IMMP2L: variants seen among roughly 807,000 people sequenced by gnomAD.
IMMP2L encodes the protein inner mitochondrial membrane peptidase subunit 2, also known as mitochondrial inner membrane protease subunit 2.
In IMMP2L, 18 loss-of-function variants were observed where a neutral mutation model predicts 19.3. The ratio of observed to expected loss-of-function variants is 0.93; its 90% CI spans 0.64 to 1.38. The LOEUF is 1.38. Among genes scored for constraint, IMMP2L ranks in the 40% most tolerant of loss-of-function variants. IMMP2L has a pLI of 0.00. For missense variants in IMMP2L, 233 were observed against 218.2 expected (o/e 1.07, Z -0.43); for synonymous variants, 76 against 73.0 (o/e 1.04, Z -0.21).
At chr7:110,971,937 A>G (rs1398829281) in intron 3 of IMMP2L, among the ~76,000 whole-genome samples, 2 of 152,068 alleles carry the variant, frequency 1.3e-5, no homozygotes, top group African/African-American at 2.4e-5. Flanking sequence ...AATCAATGAT[A>G]CTATTGTAAT....
At chr7:111,491,982 T>C (rs1843148720) in intron 2 of IMMP2L, among the ~76,000 whole-genome samples, 1 of 151,432 alleles carries the variant, frequency 6.6e-6, no homozygotes, top group Non-Finnish European at 1.5e-5. Flanking sequence ...CTTTTACTGG[T>C]GTTTTTTTTG....
intron 3 of IMMP2L, among the ~76,000 whole-genome samples, chr7:111,196,011 G>T (rs142099183): frequency 6.6e-6 from 1 of 151,886 alleles, no homozygotes; most frequent in Admixed American, 6.6e-5. Flanking sequence ...TACCACAGGT[G>T]GGGTATGCCA....
chr7:110,938,977 T>C (rs1161709014), intron 4 of IMMP2L, among the ~76,000 whole-genome samples: 1 of 152,128 alleles, frequency 6.6e-6, no homozygotes, highest in Non-Finnish European at 1.5e-5. Context: ...CCACTTCACA[T>C]ATGAACATAC....
At chr7:111,150,159 T>G (rs1236058323) in intron 3 of IMMP2L, among the ~76,000 whole-genome samples, 2 of 152,192 alleles carry the variant, frequency 1.3e-5, no homozygotes, top group African/African-American at 2.4e-5. Flanking sequence ...TTTGTAGGTT[T>G]GACAATGTAT....
chr7:111,297,450 CTTAT>C (rs1821753625), intron 3 of IMMP2L, among the ~76,000 whole-genome samples: 1 of 152,098 alleles, frequency 6.6e-6, no homozygotes, highest in Admixed American at 6.6e-5. Flanking sequence ...AACTCAAACT[CTTAT>C]TTGTTACTGG....
chr7:111,304,581 T>C lies in IMMP2L; in HGVS notation c.239+182657A>G, dbSNP rs146450611. Among the ~76,000 whole-genome samples the C allele has an allele frequency of 2.6e-3, 388 of 151,862 alleles. 2 individuals are homozygous for C. The highest frequency in any genetic ancestry group is 8.9e-3 in the African/African-American group (368 of 41,420). On this transcript the variant is annotated intron_variant, in intron 3 of 5. Coordinates refer to ENST00000405709, the MANE Select transcript of IMMP2L (RefSeq NM_032549.4). The stretch of plus-strand genomic sequence containing the variant: ...TGTGTACATATGTATAGTGTGTATA[T>C]AAAACACATATATGGGTGTATATAC...
chr7:111,335,299 A>G (rs1826286818), intron 3 of IMMP2L, among the ~76,000 whole-genome samples: 1 of 152,104 alleles, frequency 6.6e-6, no homozygotes, highest in Non-Finnish European at 1.5e-5. Context: ...ATGACTACCA[A>G]ATATCTCTCT....
intron 5 of IMMP2L, among the ~76,000 whole-genome samples, chr7:110,683,666 A>G (rs998544677): frequency 6.6e-6 from 1 of 152,122 alleles, no homozygotes; most frequent in Admixed American, 6.6e-5. Context: ...TTGAATGACT[A>G]AAAAGTAATG....
intron 3 of IMMP2L, among the ~76,000 whole-genome samples, chr7:111,379,431 T>C (rs953738010): frequency 2.0e-5 from 3 of 151,782 alleles, no homozygotes; most frequent in Non-Finnish European, 2.9e-5. Flanking sequence ...CTGCAAAATA[T>C]GTCAAGATGT....
In IMMP2L at chr7:110,978,122, G is replaced by C. The variant is rs569437832; in HGVS notation, c.240-14557C>G. 1.2e-4 allele frequency among the ~76,000 whole-genome samples: 19 copies of C among 152,056 alleles called. No homozygotes were observed. The South Asian group carries it at 3.7e-3, about 30-fold the overall frequency. On this transcript the variant is annotated intron_variant, in intron 3 of 5. Transcript: ENST00000405709. ...CTTGAAAGAAAGCACAATTTAAAAAGTCTGAGGCATAACAGGTATTCAGAA... is the reference window on the plus strand; with the variant it reads ...CTTGAAAGAAAGCACAATTTAAAAACTCTGAGGCATAACAGGTATTCAGAA...
intron 5 of IMMP2L, among the ~76,000 whole-genome samples, chr7:110,848,370 G>T (rs922051860): frequency 3.3e-5 from 5 of 152,024 alleles, no homozygotes; most frequent in African/African-American, 1.2e-4. Flanking sequence ...ACCACCACAC[G>T]CCTATCAGGA....
At chr7:111,431,942 T>C (rs1368059927) in intron 3 of IMMP2L, among the ~76,000 whole-genome samples, 2 of 151,766 alleles carry the variant, frequency 1.3e-5, no homozygotes, top group African/African-American at 2.4e-5. Context: ...AAAAAAAAAT[T>C]GTATTCTTTG....
At chr7:110,876,291 C>A (rs2129544379) in intron 5 of IMMP2L, among the ~76,000 whole-genome samples, 1 of 150,812 alleles carries the variant, frequency 6.6e-6, no homozygotes, top group Non-Finnish European at 1.5e-5. Context: ...GAGAACTTTA[C>A]CAAAAAAGAG....
intron 3 of IMMP2L, among the ~76,000 whole-genome samples, chr7:111,371,018 C>T (rs1024906220): frequency 6.6e-6 from 1 of 151,794 alleles, no homozygotes; most frequent in Non-Finnish European, 1.5e-5. Context: ...ATTCAATAGT[C>T]AAGTGCAAGA....
At chr7:110,713,617 A>C (rs1172480576) in intron 5 of IMMP2L, among the ~76,000 whole-genome samples, 1 of 146,894 alleles carries the variant, frequency 6.8e-6, no homozygotes, top group Non-Finnish European at 1.5e-5. Flanking sequence ...CCTTGTAGAG[A>C]TCTTCTATCG....
chr7:111,226,464 G>C (rs936414426), intron 3 of IMMP2L, among the ~76,000 whole-genome samples: 3 of 151,966 alleles, frequency 2.0e-5, no homozygotes, highest in African/African-American at 7.3e-5. Flanking sequence ...CACCATGCCT[G>C]GCTGTTTCTC....
chr7:111,391,138 G>A (rs1042159323), intron 3 of IMMP2L, among the ~76,000 whole-genome samples: 10 of 152,058 alleles, frequency 6.6e-5, no homozygotes, highest in Non-Finnish European at 1.0e-4. Context: ...TTGCTAATAT[G>A]TAAACGAAAG....
chr7:111,062,600 T>G (rs1010522036), intron 3 of IMMP2L, among the ~76,000 whole-genome samples: 1 of 152,160 alleles, frequency 6.6e-6, no homozygotes, highest in East Asian at 1.9e-4. Context: ...ACAAGGCAAG[T>G]CCCTTCTGCC....
At chr7:111,099,436 A>G (rs1044534696) in intron 3 of IMMP2L, among the ~76,000 whole-genome samples, 1 of 151,718 alleles carries the variant, frequency 6.6e-6, no homozygotes, top group African/African-American at 2.4e-5. Context: ...TGAAAGCTGT[A>G]ATTTGCTTTT....
Sources: gnomAD v4.1 joint callset for allele counts (sites outside exome capture counted in the v4.1 genomes callset) on GRCh38, gnomAD v4.1.1 for gene constraint, MANE v1.5 for transcripts, NCBI Gene and HGNC (gene_info 2026-07-23, HGNC 2026-07-21) for gene names.